Variants in CNTN4 observed in about 807,000 individuals in gnomAD.
The protein encoded by CNTN4 is contactin-4.
Under a neutral mutation model 122.5 loss-of-function variants are expected in CNTN4, and 77 were observed. That is an observed-to-expected ratio of 0.63 (90% CI 0.52 to 0.76). The LOEUF (loss-of-function observed/expected upper bound fraction) is 0.76, where lower values mean the gene tolerates loss of function less well. Ranked by LOEUF, CNTN4 falls within the 30% of genes least tolerant of loss-of-function variation. The probability of loss-of-function intolerance (pLI) is 0.00; values close to 1 mark genes in which losing one functional copy is unlikely to be tolerated. For missense variants in CNTN4, 1,256 were observed against 1,259.1 expected (o/e 1.00, Z 0.04); for synonymous variants, 512 against 447.0 (o/e 1.15, Z -1.83).
chr3:2,456,475 C>T (rs1429899536), intron 3 of CNTN4, among the ~76,000 whole-genome samples: 2 of 152,112 alleles, frequency 1.3e-5, no homozygotes, highest in Admixed American at 6.6e-5. Flanking sequence ...TTTTCATCAC[C>T]TTCAAATAAA....
At chr3:2,504,970 A>T (rs1238299609) in intron 3 of CNTN4, among the ~76,000 whole-genome samples, 1 of 152,226 alleles carries the variant, frequency 6.6e-6, no homozygotes, top group Non-Finnish European at 1.5e-5. Context: ...TCACAGAAAC[A>T]GGAAACAAAC....
At chr3:2,831,914 G>A (rs2093114432) in intron 7 of CNTN4, among the ~76,000 whole-genome samples, 2 of 152,192 alleles carry the variant, frequency 1.3e-5, no homozygotes, top group Admixed American at 6.5e-5. Flanking sequence ...GCAAACCAGA[G>A]TATGCTTTTT....
At chr3:2,464,815 G>T (rs1246177742) in intron 3 of CNTN4, among the ~76,000 whole-genome samples, 2 of 152,218 alleles carry the variant, frequency 1.3e-5, no homozygotes, top group Non-Finnish European at 2.9e-5. Context: ...CCAGGACTGA[G>T]GTTATTTTGT....
chr3:2,538,306 T>C (rs750066030), intron 3 of CNTN4, among the ~76,000 whole-genome samples: 11 of 152,076 alleles, frequency 7.2e-5, no homozygotes, highest in Admixed American at 1.3e-4. Context: ...ACACAATACA[T>C]TTCTCTTGTT....
At chr3:2,516,081 A>G (rs917810224) in intron 3 of CNTN4, among the ~76,000 whole-genome samples, 2 of 151,866 alleles carry the variant, frequency 1.3e-5, no homozygotes, top group Admixed American at 1.3e-4. Flanking sequence ...TTTTCTCTCC[A>G]TTTTTATTAT....
chr3:2,847,362 C>A (rs897488413), intron 7 of CNTN4, among the ~76,000 whole-genome samples: 1 of 152,066 alleles, frequency 6.6e-6, no homozygotes, highest in Non-Finnish European at 1.5e-5. Flanking sequence ...CAGACTCCTT[C>A]CACAAGCTAA....
At chr3:2,335,137 T>A (rs2043891817) in intron 2 of CNTN4, among the ~76,000 whole-genome samples, 1 of 152,188 alleles carries the variant, frequency 6.6e-6, no homozygotes, top group African/African-American at 2.4e-5. Flanking sequence ...GGACCCAATC[T>A]TTCTGGGCAG....
intron 3 of CNTN4, among the ~76,000 whole-genome samples, chr3:2,340,206 A>G (rs1219781777): frequency 2.0e-5 from 3 of 152,206 alleles, no homozygotes; most frequent in Non-Finnish European, 2.9e-5. Context: ...CACTCATAAC[A>G]GTATGCCTAA....
At chr3:3,050,261 C>A (rs1220099367) in intron 23 of CNTN4, among the ~76,000 whole-genome samples, 3 of 151,974 alleles carry the variant, frequency 2.0e-5, no homozygotes, top group East Asian at 3.9e-4. Context: ...TGTCTAATTT[C>A]TCGGTTTTTA....
intron 3 of CNTN4, among the ~76,000 whole-genome samples, chr3:2,434,094 T>G (rs2048175406): frequency 6.6e-6 from 1 of 152,164 alleles, no homozygotes; most frequent in Non-Finnish European, 1.5e-5. Context: ...TTGCACAAAG[T>G]GATGACTATA....
intron 4 of CNTN4, among the ~76,000 whole-genome samples, chr3:2,717,604 C>T (rs954799520): frequency 3.3e-5 from 5 of 152,150 alleles, no homozygotes; most frequent in African/African-American, 1.2e-4. Context: ...ATGCCAAGTC[C>T]TGTGAATCCT....
intron 6 of CNTN4, among the ~76,000 whole-genome samples, chr3:2,810,626 T>C (rs537959211): frequency 1.3e-5 from 2 of 152,220 alleles, no homozygotes; most frequent in Non-Finnish European, 2.9e-5. Flanking sequence ...CACTATTTCA[T>C]AGATTAAATT....
At chr3:2,865,724 T>C (rs1253021981) in intron 7 of CNTN4, among the ~76,000 whole-genome samples, 1 of 152,216 alleles carries the variant, frequency 6.6e-6, no homozygotes, top group African/African-American at 2.4e-5. Flanking sequence ...AGCAGTTTGA[T>C]TTCCTTGGAG....
rs1366436468 is a variant in CNTN4, at chr3:2,842,045, C to T, written c.454+22464C>T. Among the ~76,000 whole-genome samples the T allele has an allele frequency of 1.3e-5, 2 of 152,052 alleles. 1 individual carries two copies. Among genetic ancestry groups the T allele is most frequent in the East Asian group, 3.9e-4 (2 of 5,194 alleles). ...TGAAGAGAAAATATTGAGCCTTCAT[C>T]ACCATTTAAAATATTCTTAATGAGC... On this transcript the variant is annotated intron_variant, in intron 7 of 24. Coordinates refer to ENST00000418658, the MANE Select transcript of CNTN4 (RefSeq NM_175607.3).
chr3:2,309,163 T>C (rs2042824596), intron 2 of CNTN4, among the ~76,000 whole-genome samples: 1 of 152,150 alleles, frequency 6.6e-6, no homozygotes, highest in Non-Finnish European at 1.5e-5. Context: ...TGTAAGTTTA[T>C]AGGTATTATT....
intron 3 of CNTN4, among the ~76,000 whole-genome samples, chr3:2,462,017 G>C (rs995725241): frequency 1.3e-5 from 2 of 152,130 alleles, no homozygotes; most frequent in African/African-American, 4.8e-5. Flanking sequence ...TCACAACTTT[G>C]GGGGAGGGGA....
intron 8 of CNTN4, among the ~76,000 whole-genome samples, chr3:2,873,152 A>G (rs1405337171): frequency 1.3e-5 from 2 of 152,198 alleles, no homozygotes; most frequent in East Asian, 3.8e-4. Context: ...AGCAGCTCTC[A>G]TAAGACAAAT....
At chr3:2,240,348 A>G (rs1356787258) in intron 2 of CNTN4, among the ~76,000 whole-genome samples, 2 of 152,118 alleles carry the variant, frequency 1.3e-5, no homozygotes, top group African/African-American at 2.4e-5. Context: ...GATCCATTGA[A>G]TTTGAGTATT....
At chr3:2,490,381 A>G (rs572820197) in intron 3 of CNTN4, among the ~76,000 whole-genome samples, 3 of 152,320 alleles carry the variant, frequency 2.0e-5, no homozygotes, top group African/African-American at 7.2e-5. Flanking sequence ...GTTATCCAAG[A>G]TAATTTCTTA....
Sources: gnomAD v4.1 joint callset for allele counts (sites outside exome capture counted in the v4.1 genomes callset) on GRCh38, gnomAD v4.1.1 for gene constraint, MANE v1.5 for transcripts, NCBI Gene and HGNC (gene_info 2026-07-23, HGNC 2026-07-21) for gene names.